Variants in DYM observed in about 807,000 individuals in gnomAD.
DYM encodes the protein dymeclin, also known as dyggve-Melchior-Clausen syndrome protein.
A neutral mutation model predicts 93.1 loss-of-function variants in DYM; 78 were observed. The observed-to-expected ratio is 0.84, with a 90% CI of 0.70 to 1.01. The LOEUF (loss-of-function observed/expected upper bound fraction) is 1.01, where lower values mean the gene tolerates loss of function less well. Among genes scored for constraint, DYM ranks in the 50% least tolerant of loss-of-function variants. DYM has a pLI of 0.00. For synonymous variants in DYM, 321 were observed against 319.7 expected, an observed-to-expected ratio of 1.00 and a Z score of -0.04; for missense variants, 789 against 845.0, an observed-to-expected ratio of 0.93 and a Z score of 0.82.
Position 49,420,087 on chromosome 18 carries a change from G to T in DYM, c.140+10168C>A, listed in dbSNP as rs548277694. The stretch of plus-strand genomic sequence containing the variant: ...CTTTAATTTTCCAAGGATCTCAGAA[G>T]CAAGAATAAGTAACCACTTCAATAT... On this transcript the variant is annotated intron_variant, in intron 2 of 17. Transcript: ENST00000675505. Among the ~76,000 whole-genome samples the T allele has an allele frequency of 2.0e-5, 3 of 151,258 alleles. No homozygotes were observed. In the East Asian group the frequency reaches 5.8e-4, roughly 29 times the overall value.
chr18:49,175,478 G>T (rs966714044), intron 14 of DYM, among the ~76,000 whole-genome samples: 1 of 152,132 alleles, frequency 6.6e-6, no homozygotes, highest in Admixed American at 6.6e-5. Context: ...AGGGTAAACT[G>T]CCCGTTCATT....
intron 11 of DYM, 92 bp downstream of exon 11, chr18:49,272,086 C>G: frequency 9.0e-7 from 1 of 1,107,168 alleles, no homozygotes; most frequent in Non-Finnish European, 1.3e-6. Flanking sequence ...ACAGGAACAT[C>G]TACCAGAAAG....
At chr18:49,258,781 G>GGC (rs1187928179) in intron 11 of DYM, among the ~76,000 whole-genome samples, 2 of 112,368 alleles carry the variant, frequency 1.8e-5, no homozygotes, top group South Asian at 6.8e-4. Context: ...AGGGATCATA[G>GGC]ACACACACAC....
chr18:49,353,862 T>C (rs1265444574), intron 6 of DYM, among the ~76,000 whole-genome samples: 1 of 152,102 alleles, frequency 6.6e-6, no homozygotes, highest in East Asian at 1.9e-4. Context: ...GATCTACAGA[T>C]GCAACACAAT....
chr18:49,042,536 G>A lies in DYM; in HGVS notation c.*1519C>T, dbSNP rs549929544. 5.4e-4 allele frequency: 83 copies of A among 152,378 alleles called. No individual in the cohort carries two copies. Among genetic ancestry groups the A allele is most frequent in the African/African-American group, 1.9e-3 (81 of 41,574 alleles). 9.4% of individuals were successfully genotyped at this position (152,378 alleles called of 1,614,324 possible). Reference sequence around the variant, plus strand: ...GGTGACTGAGAATGGTTCCTCCGAGGCCCTCGGAAGATTTGATGGACTCAA... The same window carrying A: ...GGTGACTGAGAATGGTTCCTCCGAGACCCTCGGAAGATTTGATGGACTCAA... On this transcript the variant is annotated 3_prime_UTR_variant, in exon 18 of 18. Transcript: ENST00000675505.
intron 6 of DYM, among the ~76,000 whole-genome samples, chr18:49,347,903 CAA>C (rs956023571): frequency 3.3e-5 from 5 of 152,162 alleles, no homozygotes; most frequent in African/African-American, 1.2e-4. Flanking sequence ...ATCACCAAAA[CAA>C]AGTCAACCTT....
intron 13 of DYM, among the ~76,000 whole-genome samples, chr18:49,233,234 C>T (rs1365418580): frequency 6.6e-6 from 1 of 151,718 alleles, no homozygotes; most frequent in Non-Finnish European, 1.5e-5. Flanking sequence ...GGTGTTGCAC[C>T]TGTAATCCCA....
chr18:49,142,824 T>C (rs2084672912), intron 15 of DYM, among the ~76,000 whole-genome samples: 1 of 151,934 alleles, frequency 6.6e-6, no homozygotes, highest in South Asian at 2.1e-4. Context: ...CAACTTATCA[T>C]CCCCCTAATA....
intron 6 of DYM, among the ~76,000 whole-genome samples, chr18:49,335,120 T>G (rs2063567508): frequency 6.6e-6 from 1 of 150,708 alleles, no homozygotes; most frequent in South Asian, 2.1e-4. Context: ...AAACAAAAAA[T>G]AAAGAAAGAA....
intron 13 of DYM, among the ~76,000 whole-genome samples, chr18:49,238,935 CCT>C (rs1344614473): frequency 6.6e-6 from 1 of 152,196 alleles, no homozygotes; most frequent in East Asian, 1.9e-4. Flanking sequence ...TGCCCCTCAG[CCT>C]CTCTTGTATA....
At chr18:49,073,587 G>A (rs1229389038) in intron 17 of DYM, among the ~76,000 whole-genome samples, 2 of 152,168 alleles carry the variant, frequency 1.3e-5, no homozygotes, top group African/African-American at 2.4e-5. Context: ...GCTTTCAAGA[G>A]GCTGGCAGCC....
At chr18:49,142,083 G>C (rs538763488) in intron 15 of DYM, among the ~76,000 whole-genome samples, 2 of 150,724 alleles carry the variant, frequency 1.3e-5, no homozygotes, top group African/African-American at 4.9e-5. Context: ...GGATGGTCTC[G>C]ATCTCCTGAC....
At chr18:49,437,348 T>C (rs1017569423) in intron 1 of DYM, among the ~76,000 whole-genome samples, 2 of 152,242 alleles carry the variant, frequency 1.3e-5, no homozygotes, top group Non-Finnish European at 2.9e-5. Context: ...TATCCATATA[T>C]GAAGCACTTC....
chr18:49,316,617 G>A (rs1191015341), intron 8 of DYM, among the ~76,000 whole-genome samples: 3 of 152,172 alleles, frequency 2.0e-5, no homozygotes, highest in African/African-American at 4.8e-5. Flanking sequence ...TAGGAGAAAT[G>A]TGATCAAGTT....
intron 17 of DYM, among the ~76,000 whole-genome samples, chr18:49,058,905 T>G (rs192628715): frequency 1.3e-3 from 204 of 152,282 alleles, no homozygotes; most frequent in Non-Finnish European, 2.2e-3. Context: ...GTGAAAACTC[T>G]AAATTTCCCC....
chr18:49,347,010 A>G (rs560452745), intron 6 of DYM, among the ~76,000 whole-genome samples: 2 of 152,338 alleles, frequency 1.3e-5, no homozygotes, highest in South Asian at 4.1e-4. Flanking sequence ...CACAAAGCCT[A>G]CTTTATAATA....
chr18:49,360,637 AAAATTGCAG>A (rs901209166), intron 6 of DYM, among the ~76,000 whole-genome samples: 2 of 152,080 alleles, frequency 1.3e-5, no homozygotes, highest in African/African-American at 4.8e-5. Flanking sequence ...AAAAAGAAAA[AAAATTGCAG>A]GTGGTGCTAC....
intron 1 of DYM, among the ~76,000 whole-genome samples, chr18:49,445,547 G>A (rs980252943): frequency 6.6e-6 from 1 of 151,924 alleles, no homozygotes; most frequent in Non-Finnish European, 1.5e-5. Context: ...AAAACAGGAG[G>A]AGAAAAAATA....
At chr18:49,057,906 G>A (rs1027656081) in intron 17 of DYM, among the ~76,000 whole-genome samples, 10 of 152,148 alleles carry the variant, frequency 6.6e-5, no homozygotes, top group South Asian at 2.1e-4. Context: ...AAACCATTAC[G>A]GCTGATGAGG....
Sources: gnomAD v4.1 joint callset for allele counts (sites outside exome capture counted in the v4.1 genomes callset) on GRCh38, gnomAD v4.1.1 for gene constraint, MANE v1.5 for transcripts, NCBI Gene and HGNC (gene_info 2026-07-23, HGNC 2026-07-21) for gene names.